Variants in DACH2 observed in about 807,000 individuals in gnomAD.
DACH2 encodes the protein dachshund family transcription factor 2, also known as dachshund homolog 2.
In DACH2, 17 loss-of-function variants were observed where a neutral mutation model predicts 35.8. The observed-to-expected ratio is 0.48, with a 90% confidence interval of 0.33 to 0.71. The LOEUF is 0.71. DACH2 is among the 30% of genes least tolerant of loss of function. The probability of loss-of-function intolerance (pLI) is 0.02; values close to 1 mark genes in which losing one functional copy is unlikely to be tolerated. For synonymous variants in DACH2, 195 were observed against 177.3 expected (o/e 1.10, Z -0.79); for missense variants, 469 against 472.7 (o/e 0.99, Z 0.07).
chrX:86,671,356 T>C (rs2040762318), intron 4 of DACH2, among the ~76,000 whole-genome samples: 1 of 112,121 alleles, frequency 8.9e-6, no homozygotes, highest in African/African-American at 3.2e-5. Context: ...CCAAAAGTGT[T>C]ATAGAGGCTG....
chrX:86,639,628 G>A (rs1251174520), intron 3 of DACH2, among the ~76,000 whole-genome samples: 3 of 111,205 alleles, frequency 2.7e-5, no homozygotes, highest in African/African-American at 9.8e-5. Flanking sequence ...CACTTCCAAG[G>A]CACGTCACAA....
At chrX:86,161,798 TC>T (rs752256969) in intron 1 of DACH2, among the ~76,000 whole-genome samples, 1 of 112,207 alleles carries the variant, frequency 8.9e-6, no homozygotes, top group South Asian at 3.7e-4. Flanking sequence ...TTTGCGTTGT[TC>T]CTTGTCATGC....
chrX:86,715,144 C>G (rs1203236847), intron 6 of DACH2, among the ~76,000 whole-genome samples: 1 of 111,314 alleles, frequency 9.0e-6, no homozygotes, highest in Non-Finnish European at 1.9e-5. Flanking sequence ...TTCTGATTTG[C>G]AACTTAGCTG....
At chrX:86,717,747 A>ATTAT (rs753571656) in intron 6 of DACH2, among the ~76,000 whole-genome samples, 5 of 98,523 alleles carry the variant, frequency 5.1e-5, no homozygotes, top group Admixed American at 3.5e-4. Context: ...TATTATATAT[A>ATTAT]ATATATATAT....
At chrX:86,524,988 C>T (rs2038610858) in intron 3 of DACH2, among the ~76,000 whole-genome samples, 1 of 111,542 alleles carries the variant, frequency 9.0e-6, no homozygotes, top group Non-Finnish European at 1.9e-5. Context: ...AATTGTTTCT[C>T]ATTTGATCCT....
chrX:86,431,590 G>C lies in DACH2; in HGVS notation c.527+54728G>C, dbSNP rs72633146. On this transcript the variant is annotated intron_variant, in intron 2 of 11. Coordinates refer to ENST00000373125, the MANE Select transcript of DACH2 (RefSeq NM_053281.3). ...ATTCTTTAAATGCATGTGTCCGAAT[G>C]GCATACATAGAATGACTCAGCTCTT... Among the ~76,000 whole-genome samples, 48 of 111,379 alleles carry C rather than the reference G, an allele frequency of 4.3e-4. No homozygotes were observed. The East Asian group carries it at 0.013, about 30-fold the overall frequency.
At chrX:86,724,056 T>A (rs976233678) in intron 6 of DACH2, among the ~76,000 whole-genome samples, 36 of 112,002 alleles carry the variant, frequency 3.2e-4, no homozygotes, top group African/African-American at 1.1e-3. Flanking sequence ...TCATGTTTTT[T>A]AATGTATTTC....
rs775940822 is a variant in DACH2 at position 86,156,978 on chromosome X, T to G, written c.488+7870T>G. Among the ~76,000 whole-genome samples, 20 of 111,447 alleles carry G rather than the reference T, an allele frequency of 1.8e-4. 1 individual carries two copies. Among genetic ancestry groups the G allele is most frequent in the Middle Eastern group, 9.3e-3 (2 of 216 alleles). On this transcript the variant is annotated intron_variant, in intron 1 of 11. Coordinates refer to ENST00000373125, the MANE Select transcript of DACH2 (RefSeq NM_053281.3). ...CCACCCATTTAAAAGAATAACTTAG[T>G]TCTTTCAGGTGTAATTAATTTTGAA...
At chrX:86,605,017 C>T (rs1170658175) in intron 3 of DACH2, among the ~76,000 whole-genome samples, 2 of 111,311 alleles carry the variant, frequency 1.8e-5, no homozygotes, top group African/African-American at 6.5e-5. Flanking sequence ...ACCTGACTGA[C>T]CTTATAAATG....
chrX:86,154,540 C>T (rs242842), intron 1 of DACH2, among the ~76,000 whole-genome samples: 2 of 110,791 alleles, frequency 1.8e-5, no homozygotes, highest in African/African-American at 3.3e-5. Context: ...TTGCTTTGGA[C>T]GGGAAATTGA....
chrX:86,331,980 C>T (rs996504551), intron 1 of DACH2, among the ~76,000 whole-genome samples: 2 of 111,584 alleles, frequency 1.8e-5, no homozygotes, highest in South Asian at 3.7e-4. Context: ...GATTTTTCAC[C>T]GACATGGAGT....
intron 1 of DACH2, chrX:86,305,127 CAG>C (rs2034657119): frequency 7.2e-6 from 1 of 138,832 alleles, no homozygotes; most frequent in Middle Eastern, 2.2e-3. Flanking sequence ...TGCTTTCTGA[CAG>C]AGTCACCAGC....
rs57130035 is a variant in DACH2 at position 86,394,568 on chromosome X, T to C, written c.527+17706T>C. ...TTTGAAAAATTTGATATTTTCAAGT[T>C]GCTAACTAATAGTGAAAGATCTTTT... On this transcript the variant is annotated intron_variant, in intron 2 of 11. Transcript: ENST00000373125. Among the ~76,000 whole-genome samples the C allele has an allele frequency of 4.8e-3, 533 of 111,830 alleles. 35 individuals are homozygous for C. The East Asian group carries it at 0.12, about 24-fold the overall frequency.
intron 6 of DACH2, 83 bp from the exon 7 acceptor site, chrX:86,739,664 C>A: frequency 9.1e-7 from 1 of 1,098,981 alleles, no homozygotes; most frequent in Non-Finnish European, 1.2e-6. Context: ...AGTGAGAGGT[C>A]AACATTTCAA....
chrX:86,214,505 T>C (rs2032523797), intron 1 of DACH2, among the ~76,000 whole-genome samples: 1 of 111,986 alleles, frequency 8.9e-6, no homozygotes, highest in Non-Finnish European at 1.9e-5. Flanking sequence ...TAAGTGTGGG[T>C]GAGTCAGAGA....
chrX:86,349,975 G>T lies in DACH2; in HGVS notation c.489-26849G>T, dbSNP rs753418020. The stretch of plus-strand genomic sequence containing the variant: ...GAGGTCAGGAGTTTGAGACCAGCCT[G>T]GCCAACCTGGTGAAACCCCCCGTCT... On this transcript the variant is annotated intron_variant, in intron 1 of 11. Coordinates refer to ENST00000373125, the MANE Select transcript of DACH2 (RefSeq NM_053281.3). Among the ~76,000 whole-genome samples, 355 of 111,349 alleles carry T rather than the reference G, an allele frequency of 3.2e-3. 1 individual carries two copies. The highest frequency in any genetic ancestry group is 0.011 in the African/African-American group (339 of 30,657).
intron 7 of DACH2, among the ~76,000 whole-genome samples, chrX:86,780,908 C>G (rs1569481522): frequency 1.8e-5 from 2 of 111,296 alleles, no homozygotes; most frequent in South Asian, 3.8e-4. Context: ...CAGGGTTTAT[C>G]TCCTCAAACA....
At chrX:86,224,400 C>T (rs138820525) in intron 1 of DACH2, among the ~76,000 whole-genome samples, 2,462 of 111,679 alleles carry the variant, frequency 0.022, 85 homozygotes, top group African/African-American at 0.077. Flanking sequence ...ATGGTTAACA[C>T]TGATGCATGT....
chrX:86,490,548 A>G (rs2038080193), intron 2 of DACH2, among the ~76,000 whole-genome samples: 1 of 111,518 alleles, frequency 9.0e-6, no homozygotes, highest in Admixed American at 9.6e-5. Context: ...GAATATAGCA[A>G]CTGCCTTTGG....
Sources: allele counts gnomAD v4.1 joint callset (sites outside exome capture counted in the v4.1 genomes callset), GRCh38; gene constraint gnomAD v4.1.1; transcripts MANE v1.5; gene names NCBI Gene and HGNC (gene_info 2026-07-23, HGNC 2026-07-21).